Variants in ASXL3 observed in about 807,000 individuals in gnomAD.
The protein encoded by ASXL3 is ASXL transcriptional regulator 3, also known as putative Polycomb group protein ASXL3.
In ASXL3, 34 loss-of-function variants were observed where a neutral mutation model predicts 170.6. The ratio of observed to expected loss-of-function variants is 0.20; its 90% CI spans 0.15 to 0.27. The LOEUF is 0.27. Among genes scored for constraint, ASXL3 ranks in the 10% least tolerant of loss-of-function variants. ASXL3 has a pLI of 1.00. For synonymous variants in ASXL3, 1,002 were observed against 989.1 expected, an observed-to-expected ratio of 1.01 and a Z score of -0.24; for missense variants, 2,592 against 2,695.3, an observed-to-expected ratio of 0.96 and a Z score of 0.85.
chr18:33,607,951 T>G (rs1332354554), intron 2 of ASXL3, among the ~76,000 whole-genome samples: 1 of 151,956 alleles, frequency 6.6e-6, no homozygotes, highest in Non-Finnish European at 1.5e-5. Context: ...TTATTCCTGT[T>G]TCTTGTAAGA....
intron 8 of ASXL3, among the ~76,000 whole-genome samples, chr18:33,727,139 C>T (rs926924384): frequency 1.3e-5 from 2 of 151,844 alleles, no homozygotes; most frequent in East Asian, 1.9e-4. Flanking sequence ...AATGACTCCT[C>T]GTTGTCTGTA....
In ASXL3 at chr18:33,744,124, T is replaced by TA. The variant is rs1400467012; in HGVS notation, c.4277dup (p.Tyr1426Ter). ...FTGNMLTINS[Y>*]DSPPKLSAES... ...TGGAAACATGCTGACAATAAACTCT[T>TA]ATGATAGTCCTCCCAAGTTAAGTGC... The change falls in exon 12 of 12, where the codon TAT (tyrosine) becomes TAAT (stop). Residue 1426 changes from tyrosine to a stop codon, truncating the protein, a stop_gained and frameshift_variant. Transcript: ENST00000269197. LOFTEE classifies it high-confidence loss of function. 1 of 1,613,888 alleles carries TA rather than the reference T, an allele frequency of 6.2e-7. No homozygotes were observed. Among genetic ancestry groups the TA allele is most frequent in the African/African-American group, 1.3e-5 (1 of 74,926 alleles).
At position 33,607,693 on chromosome 18, in the gene ASXL3, A is replaced by G. The variant is rs1266670368; in HGVS notation, c.137+17A>G. On this transcript the variant is annotated intron_variant, in intron 2 of 11. Coordinates refer to ENST00000269197, the MANE Select transcript of ASXL3 (RefSeq NM_030632.3). ...AGAAACAAGGTCAGTATCCATATTT[A>G]AAACATTTTCTGTTTTCATTAAATA... 11 of 1,538,538 alleles carry G rather than the reference A, an allele frequency of 7.1e-6. 1 individual carries two copies. The highest frequency in any genetic ancestry group is 8.8e-6 in the Non-Finnish European group (10 of 1,134,434).
At position 33,578,643 on chromosome 18, in the gene ASXL3, G is replaced by A. The variant is rs774853403; in HGVS notation, c.12G>A (p.Lys4=). 1 of 1,362,052 alleles carries A rather than the reference G, an allele frequency of 7.3e-7. No individual in the cohort carries two copies. Among genetic ancestry groups the A allele is most frequent in the Non-Finnish European group, 9.7e-7 (1 of 1,031,372 alleles). The allele number at this position is 1,362,052 out of a possible 1,614,324, so 84.4% of individuals were successfully genotyped here. A position where few individuals can be genotyped will look rare whatever the true frequency, so the allele number is the denominator to read the frequency against. MKD[K]RKKKDRTWAE... ...AATGAGATGCAAACATGAAAGACAA[G>A]AGGAAGAAGAAGGACCGCACCTGGG... The change falls in exon 1 of 12, where the codon AAG becomes AAA. Residue 4 remains lysine (K), a synonymous_variant. Transcript: ENST00000269197.
chr18:33,700,021 G>C (rs555683729), intron 8 of ASXL3, among the ~76,000 whole-genome samples: 6 of 152,006 alleles, frequency 3.9e-5, no homozygotes, highest in Non-Finnish European at 8.8e-5. Flanking sequence ...AGTTAAATAA[G>C]ATGTAAGTTA....
intron 10 of ASXL3, among the ~76,000 whole-genome samples, chr18:33,734,715 C>T (rs1276255190): frequency 6.6e-6 from 1 of 152,022 alleles, no homozygotes; most frequent in Non-Finnish European, 1.5e-5. Flanking sequence ...TAAAATTATC[C>T]TGTTTTCAAG....
At chr18:33,598,718 G>T (rs2065153661) in intron 1 of ASXL3, among the ~76,000 whole-genome samples, 1 of 152,138 alleles carries the variant, frequency 6.6e-6, no homozygotes, top group African/African-American at 2.4e-5. Context: ...AGTTATCTGG[G>T]ATAAGAAATG....
intron 2 of ASXL3, among the ~76,000 whole-genome samples, chr18:33,617,873 T>C (rs1184185484): frequency 6.6e-6 from 1 of 152,162 alleles, no homozygotes; most frequent in African/African-American, 2.4e-5. Context: ...CCTATGCAGG[T>C]GAAAATCTTT....
intron 5 of ASXL3, among the ~76,000 whole-genome samples, chr18:33,662,480 G>A (rs2066189552): frequency 6.6e-6 from 1 of 152,148 alleles, no homozygotes; most frequent in Non-Finnish European, 1.5e-5. Flanking sequence ...TAGGATGAAA[G>A]CACATGGTAG....
intron 8 of ASXL3, among the ~76,000 whole-genome samples, chr18:33,698,248 G>T (rs1221558089): frequency 6.6e-6 from 1 of 152,134 alleles, no homozygotes; most frequent in African/African-American, 2.4e-5. Flanking sequence ...CAGCAACGTG[G>T]TGCCATTTTG....
In ASXL3 at chr18:33,743,957, C is replaced by T; in HGVS notation, c.4109C>T (p.Pro1370Leu). 1 of 1,614,052 alleles carries T rather than the reference C, an allele frequency of 6.2e-7. No individual in the cohort carries two copies. Among genetic ancestry groups the T allele is most frequent in the Non-Finnish European group, 8.5e-7 (1 of 1,179,914 alleles). Residue 1370 changes from proline (P) to leucine (L), a missense_variant, in exon 12 of 12, where the codon CCT (proline) becomes CTT (leucine). Physicochemically the swap from Pro to Leu is moderately conservative, Grantham distance 98 (BLOSUM62 -3). Around this residue, in one of 4 missense-constraint regions of ASXL3, gnomAD observed 2,246 missense variants for 2,219.6 expected, o/e 1.01. Coordinates refer to ENST00000269197, the MANE Select transcript of ASXL3 (RefSeq NM_030632.3). ...CCAATGGGAATTAACAACAGATTTC[C>T]TTCTGAGAAGATAGCCATACCTGGG... ...IPPMGINNRFPSEKIAIPGSE... is the reference protein window; with the variant it reads ...IPPMGINNRFLSEKIAIPGSE...
rs1380702929 is a variant in ASXL3 at position 33,591,604 on chromosome 18, T to C, written c.54+12919T>C. ...AGAAAAATGAATGCATAAATCTAGA[T>C]ATTGCATTTCCTTTCGATCTTCTAA... On this transcript the variant is annotated intron_variant, in intron 1 of 11. Transcript: ENST00000269197. Among the ~76,000 whole-genome samples the C allele has an allele frequency of 3.9e-5, 6 of 151,912 alleles. No individual in the cohort carries two copies. In the East Asian group the frequency reaches 1.2e-3, roughly 29 times the overall value.
At chr18:33,686,328 T>G (rs867391637) in intron 8 of ASXL3, among the ~76,000 whole-genome samples, 1 of 152,212 alleles carries the variant, frequency 6.6e-6, no homozygotes, top group African/African-American at 2.4e-5. Context: ...TACTCTGTGC[T>G]CACTACTAGA....
chr18:33,661,717 A>T lies in ASXL3; in HGVS notation c.457A>T (p.Thr153Ser), dbSNP rs773671380. 3 of 1,612,852 alleles carry T rather than the reference A, an allele frequency of 1.9e-6. No individual in the cohort carries two copies. The highest frequency in any genetic ancestry group is 2.5e-6 in the Non-Finnish European group (3 of 1,179,392). ...SKLVSSFQQH[T>S]KKALKQALRQ... ...GTTAGTGTCTTCCTTCCAGCAGCAC[A>T]CCAAAAAGGCTCTTAAACAGGTAAG... is the stretch of plus-strand genomic sequence containing the variant. The change falls in exon 5 of 12, where the codon ACC (threonine) becomes TCC (serine). Residue 153 changes from threonine (T) to serine (S), a missense_variant. Thr to Ser is a moderately conservative substitution (Grantham distance 58, BLOSUM62 1). Coordinates refer to ENST00000269197, the MANE Select transcript of ASXL3 (RefSeq NM_030632.3).
rs960399618 is a variant in ASXL3, at chr18:33,746,371, A to G, written c.6523A>G (p.Ile2175Val). 8 of 1,613,912 alleles carry G rather than the reference A, an allele frequency of 5.0e-6. No individual in the cohort carries two copies. Among genetic ancestry groups the G allele is most frequent in the South Asian group, 2.2e-5 (2 of 91,076 alleles). The change falls in exon 12 of 12, where the codon ATT (isoleucine) becomes GTT (valine). Residue 2175 changes from isoleucine to valine, a missense_variant. This residue lies in a region of ASXL3 where 2,246 missense variants were observed against 2,219.6 expected (regional missense o/e 1.01). Transcript: ENST00000269197. ...GGCAGCATCTGCAATTGAAAAGTCC[A>G]TTGGGATTTTGGGAAGTGGCTCCAA... ...KRAASAIEKS[I>V]GILGSGSNPA...
intron 7 of ASXL3, among the ~76,000 whole-genome samples, chr18:33,680,574 T>C (rs937945143): frequency 1.3e-5 from 2 of 152,088 alleles, no homozygotes; most frequent in Non-Finnish European, 2.9e-5. Flanking sequence ...TCTGGTAACA[T>C]TATGTGATGT....
At chr18:33,589,977 G>T (rs945350829) in intron 1 of ASXL3, among the ~76,000 whole-genome samples, 1 of 151,934 alleles carries the variant, frequency 6.6e-6, no homozygotes, top group Admixed American at 6.6e-5. Context: ...AGTTTCTCCC[G>T]GTTACAAGTG....
At chr18:33,673,912 G>A (rs1365942551) in intron 7 of ASXL3, among the ~76,000 whole-genome samples, 4 of 152,142 alleles carry the variant, frequency 2.6e-5, no homozygotes, top group Non-Finnish European at 5.9e-5. Context: ...AACCTGCTTT[G>A]TTCTAGACTA....
At chr18:33,712,127 T>C (rs929541190) in intron 8 of ASXL3, among the ~76,000 whole-genome samples, 6 of 152,206 alleles carry the variant, frequency 3.9e-5, no homozygotes, top group African/African-American at 1.4e-4. Flanking sequence ...GTTGCTATTA[T>C]TTTGCAAAAA....
Sources: gnomAD v4.1 joint callset for allele counts (sites outside exome capture counted in the v4.1 genomes callset) on GRCh38, gnomAD v4.1.1 for gene constraint, gnomAD v4.1.1 regional missense constraint, MANE v1.5 for transcripts, NCBI Gene and HGNC (gene_info 2026-07-23, HGNC 2026-07-21) for gene names.